Variants in TEF observed in about 807,000 individuals in gnomAD.
The protein encoded by TEF is TEF transcription factor, PAR bZIP family member.
A neutral mutation model predicts 20.8 loss-of-function variants in TEF; 3 were observed. The observed-to-expected ratio is 0.14, with a 90% CI of 0.07 to 0.37. The LOEUF (loss-of-function observed/expected upper bound fraction) is 0.37. Among genes scored for constraint, TEF ranks in the 10% least tolerant of loss-of-function variants. The pLI is 1.00. For missense variants in TEF, 296 were observed against 397.9 expected (o/e 0.74, Z 2.18); for synonymous variants, 180 against 171.1 (o/e 1.05, Z -0.41).
Position 41,396,053 on chromosome 22 carries a change from C to G in TEF, c.*93C>G. On this transcript the variant is annotated 3_prime_UTR_variant, in exon 4 of 4. Coordinates refer to ENST00000266304, the MANE Select transcript of TEF (RefSeq NM_003216.4). Reference sequence around the variant, plus strand: ...CCCTCACACGCGTGGAGACTTATGACTCGTCGTGGGCGCATGGCGGCGCAC... The same window carrying G: ...CCCTCACACGCGTGGAGACTTATGAGTCGTCGTGGGCGCATGGCGGCGCAC... 7.2e-7 allele frequency: 1 copy of G among 1,388,216 alleles called. No homozygotes were observed. The highest frequency in any genetic ancestry group is 2.2e-5 in the Admixed American group (1 of 45,490). The allele number at this position is 1,388,216 out of a possible 1,614,324, so 86.0% of individuals were successfully genotyped here. A position where few individuals can be genotyped will look rare whatever the true frequency, so the allele number is the denominator to read the frequency against.
At chr22:41,379,786 G>A (rs1386529081), upstream of TEF, among the ~76,000 whole-genome samples, 19 of 149,156 alleles carry the variant, frequency 1.3e-4, no homozygotes, top group Non-Finnish European at 2.1e-4. Context: ...CCAGCTATTC[G>A]GGAAGCTGAG....
At chr22:41,389,073 A>G (rs771289958) in intron 2 of TEF, among the ~76,000 whole-genome samples, 1 of 152,142 alleles carries the variant, frequency 6.6e-6, no homozygotes. Flanking sequence ...CAATAAATCC[A>G]TCAACATTCA....
chr22:41,373,661 G>A (rs1049928408), intron 1 of TEF, among the ~76,000 whole-genome samples: 2 of 151,808 alleles, frequency 1.3e-5, no homozygotes, highest in African/African-American at 4.8e-5. Flanking sequence ...GTAGAGACGA[G>A]GTGTCACCAT....
chr22:41,396,520 C>T lies in TEF; in HGVS notation c.*560C>T, dbSNP rs868289230. On this transcript the variant is annotated 3_prime_UTR_variant, in exon 4 of 4. Coordinates refer to ENST00000266304, the MANE Select transcript of TEF (RefSeq NM_003216.4). ...CAGTGTCTGCATGGGTAGCAGGCTG[C>T]AGGAGTGGGGTCTCTGCACAGCCTG... 6 of 169,122 alleles carry T rather than the reference C, an allele frequency of 3.5e-5. No individual in the cohort carries two copies. Among genetic ancestry groups the T allele is most frequent in the South Asian group, 4.0e-4 (2 of 5,044 alleles). The allele number at this position is 169,122 out of a possible 1,614,324, so 10.5% of individuals were successfully genotyped here.
chr22:41,385,291 C>T (rs902091819), intron 1 of TEF, among the ~76,000 whole-genome samples: 9 of 151,822 alleles, frequency 5.9e-5, no homozygotes, highest in Non-Finnish European at 1.3e-4. Flanking sequence ...ACACGGGAGG[C>T]GAAGGTTGTG....
In TEF at chr22:41,396,280, T is replaced by C; in HGVS notation, c.*320T>C. Reference sequence around the variant, plus strand: ...GAGTACACACCTCTCTCCTGGGCGCTCAGGGTCCCTGGACTCTCCCTCAGT... The same window carrying C: ...GAGTACACACCTCTCTCCTGGGCGCCCAGGGTCCCTGGACTCTCCCTCAGT... On this transcript the variant is annotated 3_prime_UTR_variant, in exon 4 of 4. Coordinates refer to ENST00000266304, the MANE Select transcript of TEF (RefSeq NM_003216.4). The C allele has an allele frequency of 3.5e-6, 1 of 289,572 alleles. No homozygotes were observed. Among genetic ancestry groups the C allele is most frequent in the Non-Finnish European group, 6.6e-6 (1 of 151,324 alleles). 17.9% of individuals were successfully genotyped at this position (289,572 alleles called of 1,614,324 possible).
chr22:41,367,481 G>A lies in TEF; in HGVS notation c.-52G>A, dbSNP rs1052239343. The A allele has an allele frequency of 4.4e-5, 67 of 1,531,800 alleles. No individual in the cohort carries two copies. The Admixed American group carries it at 1.0e-3, about 23-fold the overall frequency. The allele number at this position is 1,531,800 out of a possible 1,614,324, so 94.9% of individuals were successfully genotyped here. On this transcript the variant is annotated 5_prime_UTR_variant, in exon 1 of 4. Coordinates refer to the TEF transcript ENST00000406644. ...GCTGCCTCTGAACTCCCTGGAGCAA[G>A]CACCTCCTGCTGGGCTGTGTGAGCT...
At position 41,382,210 on chromosome 22, in the gene TEF, G is replaced by T. The variant is rs1013935489; in HGVS notation, c.157+9G>T. The T allele has an allele frequency of 1.7e-5, 21 of 1,226,848 alleles. No individual in the cohort carries two copies. Among genetic ancestry groups the T allele is most frequent in the Non-Finnish European group, 1.9e-5 (19 of 984,440 alleles). 76.0% of individuals were successfully genotyped at this position (1,226,848 alleles called of 1,614,324 possible). On this transcript the variant is annotated intron_variant, in intron 1 of 3. Transcript: ENST00000266304. ...GCGCGAGGCGCGCCTCGGTGAGGGC[G>T]GGGGGGTGGTCCGCGCGGGCTGGGG... is the stretch of plus-strand genomic sequence containing the variant.
At chr22:41,375,996 C>T (rs1464102504) in intron 1 of TEF, among the ~76,000 whole-genome samples, 1 of 152,196 alleles carries the variant, frequency 6.6e-6, no homozygotes, top group African/African-American at 2.4e-5. Flanking sequence ...CCTGCTCTCA[C>T]ACGTCCCAGG....
chr22:41,377,165 T>A (rs947773607), upstream of TEF: 1 of 151,958 alleles, frequency 6.6e-6, no homozygotes. Flanking sequence ...CTCAGCTAAT[T>A]TTTTTTTCTT....
Position 41,381,980 on chromosome 22 carries a change from C to T in TEF, c.-65C>T, listed in dbSNP as rs549276384. On this transcript the variant is annotated 5_prime_UTR_variant, in exon 1 of 4. In the 5' UTR this introduces an upstream ATG that the reference lacks. Coordinates refer to ENST00000266304, the MANE Select transcript of TEF (RefSeq NM_003216.4). ...GTGTCGGCAGCTGCAGCGGGTCGCA[C>T]GGCTCCGGCCCATCTCGGGGGGCGG... 1.6e-6 allele frequency: 2 copies of T among 1,227,170 alleles called. No homozygotes were observed. The highest frequency in any genetic ancestry group is 1.6e-5 in the African/African-American group (1 of 63,616). 76.0% of individuals were successfully genotyped at this position (1,227,170 alleles called of 1,614,324 possible).
rs530607964 is a variant in TEF at position 41,376,217 on chromosome 22, C to T, written c.67+8618C>T. On this transcript the variant is annotated intron_variant, in intron 1 of 3. Coordinates refer to the TEF transcript ENST00000406644. ...CTTGTTCTGCTTATGCTCTACTGAA[C>T]GAAGTTTTTGTTCTGTTTTTGTTTT... Among the ~76,000 whole-genome samples, 25 of 152,238 alleles carry T rather than the reference C, an allele frequency of 1.6e-4. No individual in the cohort carries two copies. The South Asian group carries it at 4.4e-3, about 27-fold the overall frequency.
chr22:41,370,161 C>T (rs1320311919), intron 1 of TEF: 1 of 934,556 alleles, frequency 1.1e-6, no homozygotes, highest in Non-Finnish European at 1.3e-6. Flanking sequence ...TATCGCCAGG[C>T]TGGAGTGCAG....
chr22:41,399,089 G>C lies in TEF; in HGVS notation c.*3129G>C, dbSNP rs1483096478. ...TGTGATAGAGTGTGTGGGGCTCTGTGTCCTTCCCTGGGAGCTGGCATTCCA... is the reference window on the plus strand; with the variant it reads ...TGTGATAGAGTGTGTGGGGCTCTGTCTCCTTCCCTGGGAGCTGGCATTCCA... On this transcript the variant is annotated 3_prime_UTR_variant, in exon 4 of 4. Transcript: ENST00000266304. 6.6e-6 allele frequency: 1 copy of C among 152,618 alleles called. No individual in the cohort carries two copies. The highest frequency in any genetic ancestry group is 1.5e-5 in the Non-Finnish European group (1 of 68,052). 9.5% of individuals were successfully genotyped at this position (152,618 alleles called of 1,614,324 possible). A position where few individuals can be genotyped will look rare whatever the true frequency, so the allele number is the denominator to read the frequency against.
intron 1 of TEF, among the ~76,000 whole-genome samples, chr22:41,374,670 A>AGCATCACT (rs1426971175): frequency 2.6e-5 from 4 of 151,534 alleles, no homozygotes; most frequent in African/African-American, 4.8e-5. Flanking sequence ...GAGCTATGAC[A>AGCATCACT]GCATCACTGC....
intron 1 of TEF, 50 bp downstream of exon 1, chr22:41,382,251 G>A: frequency 8.4e-7 from 1 of 1,185,856 alleles, no homozygotes; most frequent in Non-Finnish European, 1.1e-6. Flanking sequence ...GCTTATACAG[G>A]GGCGGGGCCT....
At chr22:41,387,220 G>C in intron 1 of TEF, 131 bp from the exon 2 acceptor site, 1 of 999,088 alleles carries the variant, frequency 1.0e-6, no homozygotes, top group Non-Finnish European at 1.5e-6. Context: ...GAATAGAGTA[G>C]GTTCTTGAAA....
chr22:41,395,164 G>A (rs930997416), intron 3 of TEF, among the ~76,000 whole-genome samples: 6 of 151,944 alleles, frequency 3.9e-5, no homozygotes, highest in Non-Finnish European at 7.4e-5. Flanking sequence ...GCACCACCAC[G>A]CCGGCTAATT....
At chr22:41,377,535 C>T (rs932073870), upstream of TEF, among the ~76,000 whole-genome samples, 22 of 152,158 alleles carry the variant, frequency 1.4e-4, no homozygotes, top group African/African-American at 2.7e-4. Context: ...TCCACTAAGA[C>T]GGGGCAAGGT....
Sources: allele counts gnomAD v4.1 joint callset (sites outside exome capture counted in the v4.1 genomes callset), GRCh38; gene constraint gnomAD v4.1.1; transcripts MANE v1.5; gene names NCBI Gene and HGNC (gene_info 2026-07-23, HGNC 2026-07-21).